Variants in COL23A1 observed in about 807,000 individuals in gnomAD.
COL23A1 encodes collagen alpha-1(XXIII) chain.
Under a neutral mutation model 99.3 loss-of-function variants are expected in COL23A1, and 97 were observed. The observed-to-expected ratio is 0.98, with a 90% confidence interval of 0.83 to 1.16. The LOEUF is 1.16. COL23A1 is among the 50% of genes most tolerant of loss of function. COL23A1 has a pLI of 0.00. For synonymous variants in COL23A1, 320 were observed against 308.2 expected (o/e 1.04, Z -0.40); for missense variants, 762 against 757.4 (o/e 1.01, Z -0.07).
At chr5:178,411,625 G>C (rs1765060275) in intron 2 of COL23A1, among the ~76,000 whole-genome samples, 1 of 152,228 alleles carries the variant, frequency 6.6e-6, no homozygotes, top group African/African-American at 2.4e-5. Flanking sequence ...CAGGAGCTGG[G>C]AGGAGGGGGA....
rs1237412672 is a variant in COL23A1 at position 178,269,053 on chromosome 5, C to T, written c.469-297G>A. ...CACTGGCCACTCCTCCCAGAGAGCA[C>T]ACACGGTCAGTTCCCTACTGCTCAG... On this transcript the variant is annotated intron_variant, in intron 6 of 28. Coordinates refer to ENST00000390654, the MANE Select transcript of COL23A1 (RefSeq NM_173465.4). Among the ~76,000 whole-genome samples the T allele has an allele frequency of 4.6e-5, 7 of 152,140 alleles. No homozygotes were observed. In the East Asian group the frequency reaches 1.3e-3, roughly 29 times the overall value.
At chr5:178,357,944 G>GTA (rs879163840) in intron 2 of COL23A1, among the ~76,000 whole-genome samples, 13,136 of 145,694 alleles carry the variant, frequency 0.09, 852 homozygotes, top group Middle Eastern at 0.22. Context: ...GTATGTATGT[G>GTA]TGTGTATGTA....
chr5:178,400,940 C>T (rs1023836690), intron 2 of COL23A1, among the ~76,000 whole-genome samples: 2 of 152,194 alleles, frequency 1.3e-5, no homozygotes, highest in African/African-American at 4.8e-5. Context: ...GCCCGGCTAT[C>T]TCCAGAACTT....
chr5:178,391,860 G>A (rs1763979944), intron 2 of COL23A1, among the ~76,000 whole-genome samples: 1 of 151,342 alleles, frequency 6.6e-6, no homozygotes, highest in South Asian at 2.1e-4. Flanking sequence ...TAAATAAAAT[G>A]TGGTATATTC....
chr5:178,433,399 T>C (rs1365302651), intron 2 of COL23A1, among the ~76,000 whole-genome samples: 1 of 152,234 alleles, frequency 6.6e-6, no homozygotes, highest in Non-Finnish European at 1.5e-5. Flanking sequence ...GAGCTTCTTC[T>C]GTCCCTGTGG....
intron 2 of COL23A1, among the ~76,000 whole-genome samples, chr5:178,528,250 C>A (rs1055898853): frequency 6.6e-6 from 1 of 152,184 alleles, no homozygotes; most frequent in Admixed American, 6.5e-5. Flanking sequence ...CTCACCTAAG[C>A]CCACTCACGA....
intron 2 of COL23A1, among the ~76,000 whole-genome samples, chr5:178,498,238 A>ATG (rs1758319300): frequency 1.6e-5 from 1 of 62,448 alleles, no homozygotes; most frequent in African/African-American, 8.5e-5. Context: ...ATATATATAT[A>ATG]TATATATATA....
rs751357532 is a variant in COL23A1, at chr5:178,340,005, C to A, written c.362-33086G>T. The stretch of plus-strand genomic sequence containing the variant: ...ATTAGGTGGTGGGATGGGTGGGTGG[C>A]GGGTGGCTGTTGGGGGATGAAGAGA... On this transcript the variant is annotated intron_variant, in intron 2 of 28. Transcript: ENST00000390654. The surrounding 1 kb of genome is among the most constrained non-coding windows in gnomAD (Gnocchi z 4.7). Among the ~76,000 whole-genome samples, 4 of 151,640 alleles carry A rather than the reference C, an allele frequency of 2.6e-5. No individual in the cohort carries two copies. Among genetic ancestry groups the A allele is most frequent in the African/African-American group, 9.7e-5 (4 of 41,212 alleles).
intron 2 of COL23A1, among the ~76,000 whole-genome samples, chr5:178,409,010 ACACAC>A (rs1561946059): frequency 1.3e-5 from 2 of 149,764 alleles, no homozygotes; most frequent in Non-Finnish European, 3.0e-5. Flanking sequence ...ACACACACAC[ACACAC>A]ACACACATCA....
intron 2 of COL23A1, among the ~76,000 whole-genome samples, chr5:178,449,180 A>C (rs2127859357): frequency 6.6e-6 from 1 of 152,172 alleles, no homozygotes; most frequent in East Asian, 1.9e-4. Flanking sequence ...TGTATAAATT[A>C]CCCAGTCTAA....
At chr5:178,327,356 TG>T (rs999092089) in intron 2 of COL23A1, among the ~76,000 whole-genome samples, 1 of 152,136 alleles carries the variant, frequency 6.6e-6, no homozygotes, top group Non-Finnish European at 1.5e-5. Flanking sequence ...CGCTGATGCC[TG>T]GGAACAATTC....
intron 2 of COL23A1, among the ~76,000 whole-genome samples, chr5:178,330,256 G>A (rs377236625): frequency 6.6e-6 from 1 of 152,214 alleles, no homozygotes; most frequent in African/African-American, 2.4e-5. Context: ...TGTCGGCTTT[G>A]ACCTCTTTCA....
At chr5:178,257,606 CG>C in intron 12 of COL23A1, 39 bp from the exon 13 acceptor site, 1 of 1,549,852 alleles carries the variant, frequency 6.5e-7, no homozygotes, top group Non-Finnish European at 8.7e-7. Flanking sequence ...GTCAGACCCT[CG>C]GGTGGCCAGT....
intron 2 of COL23A1, among the ~76,000 whole-genome samples, chr5:178,328,043 G>C (rs1224395525): frequency 6.6e-6 from 1 of 151,834 alleles, no homozygotes; most frequent in Non-Finnish European, 1.5e-5. Context: ...GCCAGGCCTG[G>C]GCTCTGGATC....
chr5:178,522,548 C>T (rs555008984), intron 2 of COL23A1, among the ~76,000 whole-genome samples: 42 of 152,168 alleles, frequency 2.8e-4, no homozygotes, highest in African/African-American at 8.7e-4. Context: ...TGTGCCTGCC[C>T]GAGATTGTGA....
rs1581554437 is a variant in COL23A1 at position 178,519,598 on chromosome 5, C to G, written c.361+41084G>C. ...AAATAAATTTTCCTGATTTTTGAGA[C>G]ATTTTCCTAGCTGGATGCATCTCAC... On this transcript the variant is annotated intron_variant, in intron 2 of 28. Transcript: ENST00000390654. 2.6e-5 allele frequency among the ~76,000 whole-genome samples: 4 copies of G among 152,240 alleles called. No individual in the cohort carries two copies. The South Asian group carries it at 8.3e-4, about 31-fold the overall frequency.
At chr5:178,369,584 G>A (rs1482179922) in intron 2 of COL23A1, among the ~76,000 whole-genome samples, 1 of 152,148 alleles carries the variant, frequency 6.6e-6, no homozygotes, top group Non-Finnish European at 1.5e-5. Flanking sequence ...TGAATCATGG[G>A]GGCAGGTCAT....
chr5:178,465,309 G>A (rs1756355626), intron 2 of COL23A1, among the ~76,000 whole-genome samples: 3 of 152,128 alleles, frequency 2.0e-5, no homozygotes, highest in Admixed American at 1.3e-4. Flanking sequence ...CCAGGCTGTC[G>A]TTAACCCCTA....
chr5:178,575,044 A>G (rs1763279864), intron 1 of COL23A1, among the ~76,000 whole-genome samples: 1 of 152,202 alleles, frequency 6.6e-6, no homozygotes, highest in Admixed American at 6.5e-5. Context: ...GAAGGAAAGG[A>G]CAGCTCCGCA....
Sources: allele counts gnomAD v4.1 joint callset (sites outside exome capture counted in the v4.1 genomes callset), GRCh38; gene constraint gnomAD v4.1.1; non-coding constraint Gnocchi (gnomAD v3.1); transcripts MANE v1.5; gene names NCBI Gene and HGNC (gene_info 2026-07-23, HGNC 2026-07-21).